The following MAML3 variants were observed in gnomAD, a reference collection of about 807,000 sequenced individuals.
MAML3 encodes mastermind like transcriptional coactivator 3.
A neutral mutation model predicts 101.9 loss-of-function variants in MAML3; 27 were observed. The ratio of observed to expected loss-of-function variants is 0.27; its 90% CI spans 0.20 to 0.37. The LOEUF is 0.37. MAML3 is among the 10% of genes least tolerant of loss of function. The probability of loss-of-function intolerance (pLI) is 1.00; values close to 1 mark genes in which losing one functional copy is unlikely to be tolerated. For missense variants in MAML3, 1,316 were observed against 1,444.9 expected (o/e 0.91, Z 1.45); for synonymous variants, 501 against 555.9 (o/e 0.90, Z 1.39).
Position 140,072,592 on chromosome 4 carries a change from C to T in MAML3, c.468+80268G>A, listed in dbSNP as rs190459806. On this transcript the variant is annotated intron_variant, in intron 1 of 4. Coordinates refer to ENST00000509479, the MANE Select transcript of MAML3 (RefSeq NM_018717.5). ...GGCTGAGGCAGGAGAATCGCTTGAA[C>T]CTGGGAGGCAGAGATTGTGGTGAGC... Among the ~76,000 whole-genome samples the T allele has an allele frequency of 2.0e-3, 309 of 151,818 alleles. 2 individuals carry two copies. Among genetic ancestry groups the T allele is most frequent in the African/African-American group, 6.5e-3 (269 of 41,368 alleles).
At chr4:140,023,434 G>A (rs1389618991) in intron 1 of MAML3, among the ~76,000 whole-genome samples, 2 of 152,152 alleles carry the variant, frequency 1.3e-5, no homozygotes, top group Admixed American at 1.3e-4. Context: ...CCTCAGAAGC[G>A]ACTTCCATCA....
chr4:139,880,413 A>T (rs889552811), intron 2 of MAML3, among the ~76,000 whole-genome samples: 1 of 152,064 alleles, frequency 6.6e-6, no homozygotes, highest in African/African-American at 2.4e-5. Flanking sequence ...TCCCCTCAGC[A>T]GGGAAGGCCT....
chr4:139,931,815 G>C (rs947351454), intron 1 of MAML3, among the ~76,000 whole-genome samples: 36 of 151,528 alleles, frequency 2.4e-4, no homozygotes, highest in Non-Finnish European at 7.4e-5. Context: ...TTCAAGACCA[G>C]CCTGACGAAC....
intron 1 of MAML3, among the ~76,000 whole-genome samples, chr4:139,962,549 C>T (rs1233695425): frequency 6.6e-6 from 1 of 152,146 alleles, no homozygotes; most frequent in Non-Finnish European, 1.5e-5. Flanking sequence ...TGTAACTTTG[C>T]TTTCTTAGCC....
At chr4:140,061,898 T>C (rs1049932078) in intron 1 of MAML3, among the ~76,000 whole-genome samples, 6 of 152,194 alleles carry the variant, frequency 3.9e-5, no homozygotes, top group African/African-American at 1.4e-4. Context: ...GAGAGCTACA[T>C]TGAATCAGAC....
chr4:140,050,303 A>G (rs570945204), intron 1 of MAML3, among the ~76,000 whole-genome samples: 1 of 152,292 alleles, frequency 6.6e-6, no homozygotes, highest in South Asian at 2.1e-4. Context: ...ACCCTAAAAT[A>G]TAAATGGGAA....
At chr4:139,780,440 G>A (rs1730178344) in intron 2 of MAML3, among the ~76,000 whole-genome samples, 1 of 152,146 alleles carries the variant, frequency 6.6e-6, no homozygotes, top group Non-Finnish European at 1.5e-5. Context: ...TCAAGCCAAG[G>A]AGAGACTCTT....
At chr4:139,797,815 A>G (rs374912964) in intron 2 of MAML3, among the ~76,000 whole-genome samples, 20 of 152,302 alleles carry the variant, frequency 1.3e-4, no homozygotes, top group African/African-American at 4.8e-4. Context: ...CTAACCAACA[A>G]TAAAAAGCAT....
intron 2 of MAML3, among the ~76,000 whole-genome samples, chr4:139,782,415 C>T (rs778300659): frequency 1.3e-5 from 2 of 152,192 alleles, no homozygotes; most frequent in Admixed American, 6.5e-5. Flanking sequence ...AGTCCTCCCA[C>T]CTCAGCCTCC....
intron 2 of MAML3, among the ~76,000 whole-genome samples, chr4:139,737,444 T>C (rs13105452): frequency 0.51 from 77,863 of 151,554 alleles, 20,652 homozygotes; most frequent in South Asian, 0.69. Context: ...CCCAGGAGGA[T>C]GTTGGAATAA....
At chr4:140,027,567 C>T (rs2110886525) in intron 1 of MAML3, among the ~76,000 whole-genome samples, 1 of 152,328 alleles carries the variant, frequency 6.6e-6, no homozygotes, top group Non-Finnish European at 1.5e-5. Context: ...CTGCCCTACC[C>T]AGTGCTTAAA....
At chr4:139,930,726 G>A (rs554778421) in intron 1 of MAML3, among the ~76,000 whole-genome samples, 1 of 152,008 alleles carries the variant, frequency 6.6e-6, no homozygotes, top group African/African-American at 2.4e-5. Context: ...TACCCTCTTC[G>A]TAGTCCCTTT....
chr4:139,736,835 G>C (rs1437105513), intron 2 of MAML3, among the ~76,000 whole-genome samples: 1 of 152,194 alleles, frequency 6.6e-6, no homozygotes, highest in Non-Finnish European at 1.5e-5. Context: ...ATAATCCTGT[G>C]CCCTGATTAG....
intron 1 of MAML3, among the ~76,000 whole-genome samples, chr4:139,971,512 G>A (rs191344794): frequency 2.6e-5 from 4 of 152,164 alleles, no homozygotes; most frequent in African/African-American, 9.7e-5. Context: ...CATATAATTT[G>A]CCTTGTGCTT....
At chr4:140,005,926 C>T (rs571933895) in intron 1 of MAML3, among the ~76,000 whole-genome samples, 33 of 152,350 alleles carry the variant, frequency 2.2e-4, no homozygotes, top group Admixed American at 1.9e-3. Flanking sequence ...GTGTTAAAGA[C>T]ATTACTGCTG....
intron 2 of MAML3, among the ~76,000 whole-genome samples, chr4:139,747,603 A>C (rs1490750787): frequency 6.6e-6 from 1 of 152,024 alleles, no homozygotes; most frequent in Non-Finnish European, 1.5e-5. Flanking sequence ...CTGAGGCAGG[A>C]GAACTGCCTG....
At chr4:140,069,363 A>AAGGAGAAGG (rs1172807594) in intron 1 of MAML3, among the ~76,000 whole-genome samples, 14 of 41,896 alleles carry the variant, frequency 3.3e-4, no homozygotes, top group African/African-American at 6.5e-4. Context: ...GGAGAAGGAG[A>AAGGAGAAGG]AGAAGAAGAA....
intron 2 of MAML3, among the ~76,000 whole-genome samples, chr4:139,824,500 A>G (rs1019417900): frequency 4.6e-5 from 7 of 152,240 alleles, no homozygotes; most frequent in Non-Finnish European, 1.0e-4. Flanking sequence ...GGACGATTAT[A>G]CAGATGGCTC....
chr4:139,922,631 G>T (rs904916722), intron 1 of MAML3, among the ~76,000 whole-genome samples: 1 of 152,270 alleles, frequency 6.6e-6, no homozygotes, highest in East Asian at 1.9e-4. Context: ...GAAAAGATAT[G>T]GAGCCTAGGG....
Sources: allele counts gnomAD v4.1 joint callset (sites outside exome capture counted in the v4.1 genomes callset), GRCh38; gene constraint gnomAD v4.1.1; transcripts MANE v1.5; gene names NCBI Gene and HGNC (gene_info 2026-07-23, HGNC 2026-07-21).